Variants in CNOT1 observed in about 807,000 individuals in gnomAD.
CNOT1 encodes CCR4-associated factor 1.
Under a neutral mutation model 273.8 loss-of-function variants are expected in CNOT1, and 15 were observed. The ratio of observed to expected loss-of-function variants is 0.05; its 90% CI spans 0.04 to 0.08. The LOEUF is 0.08. CNOT1 is among the 10% of genes least tolerant of loss of function. The probability of loss-of-function intolerance (pLI) is 1.00; values close to 1 mark genes in which losing one functional copy is unlikely to be tolerated. For missense variants in CNOT1, 1,644 were observed against 2,912.2 expected, an observed-to-expected ratio of 0.56 and a Z score of 10.02; for synonymous variants, 1,022 against 1,005.5, an observed-to-expected ratio of 1.02 and a Z score of -0.31.
At chr16:58,534,797 T>A (rs1200640475) in intron 39 of CNOT1, among the ~76,000 whole-genome samples, 1 of 152,252 alleles carries the variant, frequency 6.6e-6, no homozygotes, top group Non-Finnish European at 1.5e-5. Flanking sequence ...TAAGGTAATT[T>A]ACTTCTGAAG....
intron 1 of CNOT1, among the ~76,000 whole-genome samples, chr16:58,621,295 C>T (rs954209419): frequency 6.6e-6 from 1 of 151,864 alleles, no homozygotes; most frequent in Non-Finnish European, 1.5e-5. Flanking sequence ...TTTTTTGAGA[C>T]AGAGTTTTGC....
At chr16:58,584,304 C>A (rs1209457500) in intron 8 of CNOT1, among the ~76,000 whole-genome samples, 1 of 151,996 alleles carries the variant, frequency 6.6e-6, no homozygotes, top group African/African-American at 2.4e-5. Flanking sequence ...ATGTACACAG[C>A]CTTGAAAATC....
chr16:58,526,212 G>A, intron 44 of CNOT1, 74 bp from the exon 45 acceptor site: 1 of 1,540,582 alleles, frequency 6.5e-7, no homozygotes. Flanking sequence ...CTTAAGTGGT[G>A]GGACTGTTTT....
chr16:58,546,578 T>C (rs2040261923), intron 28 of CNOT1, 80 bp from the exon 29 acceptor site: 1 of 1,607,352 alleles, frequency 6.2e-7, no homozygotes, highest in East Asian at 2.2e-5. Context: ...TTTCAGTTAT[T>C]ATAGTACTTC....
At chr16:58,567,502 TG>T (rs2041094088) in intron 16 of CNOT1, among the ~76,000 whole-genome samples, 1 of 129,030 alleles carries the variant, frequency 7.8e-6, no homozygotes, top group African/African-American at 2.9e-5. Context: ...TAGGCATGCA[TG>T]GTAGCATATA....
At chr16:58,620,653 TAAAA>T (rs200053031) in intron 1 of CNOT1, among the ~76,000 whole-genome samples, 76 of 106,838 alleles carry the variant, frequency 7.1e-4, no homozygotes, top group Admixed American at 3.1e-3. Flanking sequence ...CTGTCTCATT[TAAAA>T]AAAAAAAAAA....
Position 58,587,403 on chromosome 16 carries a change from G to A in CNOT1, c.320C>T (p.Pro107Leu). The A allele has an allele frequency of 6.2e-7, 1 of 1,613,650 alleles. No individual in the cohort carries two copies. The highest frequency in any genetic ancestry group is 8.5e-7 in the Non-Finnish European group (1 of 1,179,968). ...CAGCTGGGCAAATAAGTGGGGTGCA[G>A]GCTTTAAACTCTGAAACAAACCAAA... The part of the protein sequence containing the change: ...NPLHYQKSLK[P>L]APHLFAQLSK... The change falls in exon 5 of 49, where the codon CCT becomes CTT. Residue 107 changes from proline (P) to leucine (L), a missense_variant. By Grantham distance (98) the Pro-to-Leu change is moderately conservative. Around this residue, in one of 13 missense-constraint regions of CNOT1, gnomAD observed 706 missense variants for 1,021.2 expected, o/e 0.69. Coordinates refer to ENST00000317147, the MANE Select transcript of CNOT1 (RefSeq NM_016284.5).
At chr16:58,524,880 C>G (rs992796770) in intron 46 of CNOT1, among the ~76,000 whole-genome samples, 10 of 152,164 alleles carry the variant, frequency 6.6e-5, no homozygotes, top group African/African-American at 1.9e-4. Context: ...AACAATGTAA[C>G]AAGAGGCTAT....
intron 1 of CNOT1, among the ~76,000 whole-genome samples, chr16:58,600,754 T>A (rs1045788844): frequency 6.6e-6 from 1 of 152,152 alleles, no homozygotes; most frequent in African/African-American, 2.4e-5. Context: ...AGGATTATTA[T>A]CAGTTTAACT....
At chr16:58,607,004 T>C (rs7203887) in intron 1 of CNOT1, among the ~76,000 whole-genome samples, 114,355 of 151,978 alleles carry the variant, frequency 0.75, 43,441 homozygotes, top group Middle Eastern at 0.86. Context: ...CTATTGAACA[T>C]TCAATCTAAA....
chr16:58,565,312 G>A (rs933434798), intron 16 of CNOT1, among the ~76,000 whole-genome samples: 15 of 151,948 alleles, frequency 9.9e-5, no homozygotes, highest in East Asian at 3.9e-4. Flanking sequence ...ACGGGGTTTC[G>A]CGACATTGCC....
intron 5 of CNOT1, 27 bp downstream of exon 5, chr16:58,587,318 C>G (rs768111626): frequency 6.2e-7 from 1 of 1,613,706 alleles, no homozygotes. Context: ...CTAGTTTTGT[C>G]TACATCTCTT....
At chr16:58,610,985 C>T (rs559976011) in intron 1 of CNOT1, among the ~76,000 whole-genome samples, 2 of 151,946 alleles carry the variant, frequency 1.3e-5, no homozygotes, top group South Asian at 2.1e-4. Context: ...TGCAGTGAGC[C>T]GAGAGCACAC....
Position 58,525,312 on chromosome 16 carries a change from T to C in CNOT1, c.6651A>G (p.Ala2217=), listed in dbSNP as rs1567384530. 6.2e-7 allele frequency: 1 copy of C among 1,613,830 alleles called. No individual in the cohort carries two copies. Among genetic ancestry groups the C allele is most frequent in the African/African-American group, 1.3e-5 (1 of 75,064 alleles). The part of the protein sequence containing the change: ...GNRYNLQLIN[A]LVLYVGTQAI... ...CCTGAGTCCCGACATAGAGCACCAG[T>C]GCATTGATGAGCTGGAGGTTGTAGC... The change falls in exon 46 of 49, where the codon GCA becomes GCG. Residue 2217 remains alanine, a synonymous_variant. Transcript: ENST00000317147.
At chr16:58,548,460 C>G in intron 25 of CNOT1, 1 of 500,466 alleles carries the variant, frequency 2.0e-6, no homozygotes, top group South Asian at 1.5e-5. Flanking sequence ...TTATGTATCC[C>G]AACCACCCTT....
intron 2 of CNOT1, among the ~76,000 whole-genome samples, chr16:58,598,738 G>A (rs1039202253): frequency 2.0e-5 from 3 of 151,978 alleles, no homozygotes; most frequent in African/African-American, 2.4e-5. Flanking sequence ...AATTTCTATG[G>A]AAAATAAAAA....
At chr16:58,602,575 A>AAAG (rs2042513226) in intron 1 of CNOT1, among the ~76,000 whole-genome samples, 1 of 149,244 alleles carries the variant, frequency 6.7e-6, no homozygotes, top group Non-Finnish European at 1.5e-5. Flanking sequence ...AAAAAAAAAA[A>AAAG]AACCCATCCA....
chr16:58,544,419 C>T (rs2040191925), intron 30 of CNOT1, among the ~76,000 whole-genome samples: 1 of 150,370 alleles, frequency 6.7e-6, no homozygotes, highest in South Asian at 2.1e-4. Flanking sequence ...TGCCCCAAAA[C>T]TTACTTGGTC....
intron 45 of CNOT1, 159 bp from the exon 46 acceptor site, chr16:58,525,518 T>C (rs1209073059): frequency 4.7e-6 from 3 of 642,674 alleles, no homozygotes; most frequent in Non-Finnish European, 8.0e-6. Flanking sequence ...AACACACAGA[T>C]GCTCCAAAGG....
Sources: allele counts gnomAD v4.1 joint callset (sites outside exome capture counted in the v4.1 genomes callset), GRCh38; gene constraint gnomAD v4.1.1; regional missense constraint gnomAD v4.1.1; transcripts MANE v1.5; gene names NCBI Gene and HGNC (gene_info 2026-07-23, HGNC 2026-07-21).